Variants in TRDN observed in about 807,000 individuals in gnomAD.
The protein encoded by TRDN is triadin in skeletal muscle.
TRDN carries 161 observed loss-of-function variants against 149.7 expected under a neutral mutation model. That is an observed-to-expected ratio of 1.08 (90% CI 0.95 to 1.23). The LOEUF is 1.23. Among genes scored for constraint, TRDN ranks in the 50% most tolerant of loss-of-function variants. The probability of loss-of-function intolerance (pLI) is 0.00; values close to 1 mark genes in which losing one functional copy is unlikely to be tolerated. For synonymous variants in TRDN, 294 were observed against 250.5 expected (o/e 1.17, Z -1.64); for missense variants, 896 against 823.5 (o/e 1.09, Z -1.08).
chr6:123,633,396 G>A lies in TRDN; in HGVS notation c.22+3358C>T, dbSNP rs568750183. ...AAGACATATCCAATATGACTCTGTG[G>A]TCAGGCATGGGTATGAATCCTAGCT... On this transcript the variant is annotated intron_variant, in intron 1 of 40. Coordinates refer to ENST00000334268, the MANE Select transcript of TRDN (RefSeq NM_006073.4). Among the ~76,000 whole-genome samples the A allele has an allele frequency of 1.6e-4, 25 of 152,086 alleles. No homozygotes were observed. The East Asian group carries it at 4.7e-3, about 28-fold the overall frequency.
chr6:123,449,848 T>C (rs921771605), intron 10 of TRDN, among the ~76,000 whole-genome samples: 1 of 152,142 alleles, frequency 6.6e-6, no homozygotes, highest in Non-Finnish European at 1.5e-5. Context: ...AGGAAAAACC[T>C]ATCAGATTAA....
intron 5 of TRDN, among the ~76,000 whole-genome samples, chr6:123,516,772 G>A (rs1024624993): frequency 6.6e-6 from 1 of 151,802 alleles, no homozygotes; most frequent in South Asian, 2.1e-4. Context: ...ATTACAACAG[G>A]ACTAAAATTT....
intron 14 of TRDN, among the ~76,000 whole-genome samples, chr6:123,382,757 G>A (rs892008207): frequency 2.0e-5 from 3 of 151,792 alleles, no homozygotes; most frequent in Non-Finnish European, 2.9e-5. Context: ...AAAAGACATC[G>A]ATTTCATTTA....
chr6:123,221,322 G>A (rs568309729), intron 40 of TRDN, among the ~76,000 whole-genome samples, 165 bp downstream of exon 40: 3 of 151,686 alleles, frequency 2.0e-5, no homozygotes, highest in Non-Finnish European at 2.9e-5. Flanking sequence ...AAAGTGATAC[G>A]CTTCTTTTTA....
chr6:123,330,350 T>C (rs1339224244), intron 23 of TRDN, among the ~76,000 whole-genome samples: 1 of 152,092 alleles, frequency 6.6e-6, no homozygotes, highest in African/African-American at 2.4e-5. Context: ...GATGAATTAA[T>C]GTTTTGGTAA....
intron 36 of TRDN, 68 bp from the exon 37 acceptor site, chr6:123,255,193 CACAT>C: frequency 1.3e-6 from 1 of 744,496 alleles, no homozygotes; most frequent in Non-Finnish European, 2.0e-6. Flanking sequence ...AATTTTGTCT[CACAT>C]CAACGAATGA....
intron 7 of TRDN, among the ~76,000 whole-genome samples, chr6:123,510,648 T>C (rs1014935986): frequency 4.6e-5 from 7 of 151,846 alleles, no homozygotes; most frequent in South Asian, 2.1e-4. Context: ...ACCACTTTTT[T>C]TTTTTTTTTT....
chr6:123,574,315 A>T (rs1429056289), intron 1 of TRDN, among the ~76,000 whole-genome samples: 2 of 151,786 alleles, frequency 1.3e-5, no homozygotes, highest in African/African-American at 4.8e-5. Context: ...ATAGCAAGAT[A>T]AAAAAAATAC....
At chr6:123,350,823 A>G (rs981718665) in intron 21 of TRDN, 2 of 983,950 alleles carry the variant, frequency 2.0e-6, no homozygotes, top group African/African-American at 3.5e-5. Flanking sequence ...TTTTCACACA[A>G]TCCAAGAGCC....
intron 9 of TRDN, among the ~76,000 whole-genome samples, chr6:123,468,226 T>C (rs1776947647): frequency 6.6e-6 from 1 of 152,182 alleles, no homozygotes. Context: ...AGGAATATAT[T>C]CTTTTGGAAT....
chr6:123,296,987 A>G (rs1778226558), intron 24 of TRDN, among the ~76,000 whole-genome samples: 1 of 152,122 alleles, frequency 6.6e-6, no homozygotes, highest in African/African-American at 2.4e-5. Context: ...AATATTATTT[A>G]TGGTGTTTTT....
At chr6:123,252,897 T>TA (rs1413147230) in intron 37 of TRDN, among the ~76,000 whole-genome samples, 2 of 152,140 alleles carry the variant, frequency 1.3e-5, no homozygotes, top group Admixed American at 6.6e-5. Flanking sequence ...ATACTCTTAC[T>TA]AAAATCAAGA....
In TRDN at chr6:123,536,687, C is replaced by CAATAAATAAATA. The variant is rs143950900; in HGVS notation, c.425-6134_425-6123dup. ...GCAACAGGGTGAAACTCCATCTCTA[C>CAATAAATAAATA]AATAAATAAATAAATAAATAAATAA... On this transcript the variant is annotated intron_variant, in intron 4 of 40. Coordinates refer to ENST00000334268, the MANE Select transcript of TRDN (RefSeq NM_006073.4). 8.0e-3 allele frequency among the ~76,000 whole-genome samples: 1,037 copies of CAATAAATAAATA among 129,878 alleles called. 5 individuals are homozygous for CAATAAATAAATA. Among genetic ancestry groups the CAATAAATAAATA allele is most frequent in the Middle Eastern group, 0.012 (3 of 260 alleles). 85.2% of individuals were successfully genotyped at this position (129,878 alleles called of 152,430 possible).
intron 24 of TRDN, among the ~76,000 whole-genome samples, chr6:123,310,118 G>C (rs773832392): frequency 1.4e-4 from 21 of 151,990 alleles, no homozygotes; most frequent in Non-Finnish European, 2.6e-4. Flanking sequence ...CAGTTCATCT[G>C]TCCAGTAAAT....
intron 12 of TRDN, among the ~76,000 whole-genome samples, chr6:123,427,781 T>A (rs937626174): frequency 6.6e-6 from 1 of 152,282 alleles, no homozygotes; most frequent in African/African-American, 2.4e-5. Context: ...TTTTAAAATA[T>A]CTTTATTAAA....
At chr6:123,370,332 C>A (rs1037792253) in intron 19 of TRDN, among the ~76,000 whole-genome samples, 32 of 151,804 alleles carry the variant, frequency 2.1e-4, no homozygotes, top group Non-Finnish European at 4.3e-4. Context: ...AATTAAATTA[C>A]ATTATAATAT....
intron 8 of TRDN, 136 bp from the exon 9 acceptor site, chr6:123,497,388 T>C (rs1236488267): frequency 1.9e-6 from 1 of 522,922 alleles, no homozygotes; most frequent in Non-Finnish European, 3.3e-6. Flanking sequence ...GTAAAAAAAA[T>C]AATTTGCACT....
chr6:123,457,563 CTT>C (rs71541231), intron 10 of TRDN: 3 of 436,450 alleles, frequency 6.9e-6, no homozygotes, highest in South Asian at 3.3e-5. Context: ...TTTCATTTTC[CTT>C]TTTTTTTCTT....
chr6:123,448,238 C>A (rs1049137554), intron 10 of TRDN, among the ~76,000 whole-genome samples: 12 of 152,246 alleles, frequency 7.9e-5, no homozygotes, highest in Non-Finnish European at 1.3e-4. Flanking sequence ...AGCCTCCTGG[C>A]CAGAACTCCG....
Sources: gnomAD v4.1 joint callset for allele counts (sites outside exome capture counted in the v4.1 genomes callset) on GRCh38, gnomAD v4.1.1 for gene constraint, MANE v1.5 for transcripts, NCBI Gene and HGNC (gene_info 2026-07-23, HGNC 2026-07-21) for gene names.